The following GRIK1 variants were observed in gnomAD, a reference collection of about 807,000 sequenced individuals.
GRIK1 encodes glutamate receptor ionotropic, kainate 1.
Under a neutral mutation model 105.7 loss-of-function variants are expected in GRIK1, and 69 were observed. That is an observed-to-expected ratio of 0.65 (90% CI 0.54 to 0.80). GRIK1 has a LOEUF of 0.80. Among genes scored for constraint, GRIK1 ranks in the 30% least tolerant of loss-of-function variants. The pLI is 0.00. For synonymous variants in GRIK1, 438 were observed against 431.3 expected (o/e 1.02, Z -0.19); for missense variants, 1,109 against 1,167.3 (o/e 0.95, Z 0.73).
intron 7 of GRIK1, among the ~76,000 whole-genome samples, chr21:29,615,141 G>T (rs1250005618): frequency 6.6e-6 from 1 of 151,294 alleles, no homozygotes; most frequent in African/African-American, 2.5e-5. Context: ...TTTTTTCTTT[G>T]GGGTTTACTA....
chr21:29,880,954 G>A (rs1333010352), intron 1 of GRIK1, among the ~76,000 whole-genome samples: 2 of 152,112 alleles, frequency 1.3e-5, no homozygotes, highest in African/African-American at 2.4e-5. Context: ...GATCTCTGAG[G>A]TTAGTAGTGC....
intron 1 of GRIK1, among the ~76,000 whole-genome samples, chr21:29,768,310 G>A (rs1165002189): frequency 6.6e-6 from 1 of 152,162 alleles, no homozygotes; most frequent in Non-Finnish European, 1.5e-5. Context: ...TGATGCCAAT[G>A]ATCTTAGTCC....
chr21:29,662,390 C>T (rs1003167541), intron 4 of GRIK1, among the ~76,000 whole-genome samples: 1 of 152,184 alleles, frequency 6.6e-6, no homozygotes, highest in African/African-American at 2.4e-5. Context: ...AAAAAATAAC[C>T]TCTCTGCAAC....
chr21:29,560,367 TCCTTCCTTCCTTCCTTC>T (rs2090397488), intron 15 of GRIK1, among the ~76,000 whole-genome samples: 2 of 27,948 alleles, frequency 7.2e-5, no homozygotes, highest in South Asian at 1.6e-3. Flanking sequence ...TTTTCTTTCT[TCCTTCCTTCCTTCCTTC>T]CTTCCTTCCT....
In GRIK1 at chr21:29,596,135, A is replaced by G. The variant is rs930199528; in HGVS notation, c.1251+391T>C. 14 of 347,506 alleles carry G rather than the reference A, an allele frequency of 4.0e-5. No individual in the cohort carries two copies. The East Asian group carries it at 1.0e-3, about 26-fold the overall frequency. The allele number at this position is 347,506 out of a possible 1,614,324, so 21.5% of individuals were successfully genotyped here. A position where few individuals can be genotyped will look rare whatever the true frequency, so the allele number is the denominator to read the frequency against. On this transcript the variant is annotated intron_variant, in intron 9 of 17. Coordinates refer to ENST00000327783, the MANE Select transcript of GRIK1 (RefSeq NM_001330994.2). The stretch of plus-strand genomic sequence containing the variant: ...GGCTGTAGCCTATCTGACTAGTCTC[A>G]TGGATCAAATCTATTGTGATTTTTA...
chr21:29,617,035 A>G (rs989180214), intron 7 of GRIK1, among the ~76,000 whole-genome samples: 74 of 152,338 alleles, frequency 4.9e-4, no homozygotes, highest in African/African-American at 1.8e-3. Context: ...TGTATAAAAC[A>G]TTTTATAATA....
At chr21:29,638,896 C>T (rs576794906) in intron 7 of GRIK1, among the ~76,000 whole-genome samples, 2 of 152,278 alleles carry the variant, frequency 1.3e-5, no homozygotes, top group African/African-American at 4.8e-5. Flanking sequence ...TCCCTACAAA[C>T]TTATGGTGTG....
intron 1 of GRIK1, among the ~76,000 whole-genome samples, chr21:29,875,740 T>A (rs2069169559): frequency 6.6e-6 from 1 of 152,202 alleles, no homozygotes; most frequent in Non-Finnish European, 1.5e-5. Context: ...TGATGTACTC[T>A]TTGCAGAAAA....
chr21:29,793,695 A>G (rs1447113186), intron 1 of GRIK1, among the ~76,000 whole-genome samples: 4 of 152,242 alleles, frequency 2.6e-5, no homozygotes, highest in Non-Finnish European at 5.9e-5. Context: ...AAGGGCTACT[A>G]GAAGACCAGC....
At chr21:29,546,169 C>G (rs530196083) in intron 16 of GRIK1, among the ~76,000 whole-genome samples, 3 of 152,154 alleles carry the variant, frequency 2.0e-5, no homozygotes, top group African/African-American at 7.2e-5. Context: ...ATCCACACAC[C>G]CTGTGTCTTT....
At chr21:29,696,098 T>TA (rs1457101936) in intron 1 of GRIK1, among the ~76,000 whole-genome samples, 5 of 152,360 alleles carry the variant, frequency 3.3e-5, no homozygotes, top group Admixed American at 6.5e-5. Context: ...ATGACTTTAT[T>TA]AAATAACTAA....
chr21:29,606,633 T>C (rs776575913), intron 7 of GRIK1, among the ~76,000 whole-genome samples: 16 of 152,082 alleles, frequency 1.1e-4, no homozygotes, highest in Non-Finnish European at 2.2e-4. Context: ...GCCAATGTTA[T>C]GGGCCATTTA....
chr21:29,649,731 T>C (rs1019262025), intron 6 of GRIK1, among the ~76,000 whole-genome samples: 1 of 152,246 alleles, frequency 6.6e-6, no homozygotes, highest in Non-Finnish European at 1.5e-5. Flanking sequence ...GCCATACTTG[T>C]GATGAATATT....
At chr21:29,789,741 G>A (rs2066360609) in intron 1 of GRIK1, among the ~76,000 whole-genome samples, 1 of 152,206 alleles carries the variant, frequency 6.6e-6, no homozygotes, top group South Asian at 2.1e-4. Context: ...GAATGTAGGA[G>A]AGATATGGAT....
chr21:29,684,252 CTCTATCTA>C (rs59976698), intron 3 of GRIK1, among the ~76,000 whole-genome samples: 9,884 of 149,326 alleles, frequency 0.066, 338 homozygotes, highest in Non-Finnish European at 0.075. Context: ...AATCTATCAT[CTCTATCTA>C]TCTATCTATC....
At chr21:29,769,381 A>T (rs566826427) in intron 1 of GRIK1, among the ~76,000 whole-genome samples, 81 of 152,272 alleles carry the variant, frequency 5.3e-4, no homozygotes, top group South Asian at 1.0e-3. Flanking sequence ...TGCAGTCCCC[A>T]ACCTTTTTGG....
At chr21:29,764,190 G>A (rs1203643048) in intron 1 of GRIK1, among the ~76,000 whole-genome samples, 1 of 152,124 alleles carries the variant, frequency 6.6e-6, no homozygotes, top group East Asian at 1.9e-4. Flanking sequence ...AAGACACTTG[G>A]ACTCCTATTT....
intron 6 of GRIK1, among the ~76,000 whole-genome samples, chr21:29,644,721 A>C (rs1191503274): frequency 6.6e-6 from 1 of 152,206 alleles, no homozygotes; most frequent in Non-Finnish European, 1.5e-5. Context: ...GCCTGATTCT[A>C]GCACCCATGA....
At chr21:29,876,303 G>A (rs1409088373) in intron 1 of GRIK1, among the ~76,000 whole-genome samples, 5 of 152,070 alleles carry the variant, frequency 3.3e-5, no homozygotes, top group Non-Finnish European at 7.4e-5. Flanking sequence ...TATCTGGCAT[G>A]CACTGAGTAA....
Sources: allele counts gnomAD v4.1 joint callset (sites outside exome capture counted in the v4.1 genomes callset), GRCh38; gene constraint gnomAD v4.1.1; transcripts MANE v1.5; gene names NCBI Gene and HGNC (gene_info 2026-07-23, HGNC 2026-07-21).